The following DGKH variants were observed in gnomAD, a reference collection of about 807,000 sequenced individuals.
The protein encoded by DGKH is DAG kinase eta.
In DGKH, 90 loss-of-function variants were observed where a neutral mutation model predicts 159.3. The ratio of observed to expected loss-of-function variants is 0.57; its 90% CI spans 0.48 to 0.67. The LOEUF is 0.67. DGKH is among the 30% of genes least tolerant of loss of function. The pLI is 0.00. For synonymous variants in DGKH, 536 were observed against 553.8 expected, an observed-to-expected ratio of 0.97 and a Z score of 0.45; for missense variants, 1,181 against 1,506.1, an observed-to-expected ratio of 0.78 and a Z score of 3.57.
chr13:42,159,520 A>G (rs963790978), intron 6 of DGKH, 148 bp downstream of exon 6: 14 of 689,174 alleles, frequency 2.0e-5, no homozygotes, highest in Admixed American at 5.2e-5. Flanking sequence ...TTTTAATTCA[A>G]TCCTTCATAG....
intron 7 of DGKH, 108 bp from the exon 8 acceptor site, chr13:42,165,223 G>A: frequency 3.8e-6 from 2 of 524,744 alleles, no homozygotes; most frequent in Non-Finnish European, 6.7e-6. Flanking sequence ...ATGAATTACT[G>A]AACATTTTGT....
At chr13:42,138,002 T>C in intron 3 of DGKH, 3 of 765,998 alleles carry the variant, frequency 3.9e-6, no homozygotes, top group Non-Finnish European at 3.2e-6. Flanking sequence ...ACTTGAGTCA[T>C]CTGATAGAAC....
At chr13:42,112,953 C>T (rs1954892548) in intron 1 of DGKH, among the ~76,000 whole-genome samples, 1 of 152,180 alleles carries the variant, frequency 6.6e-6, no homozygotes, top group African/African-American at 2.4e-5. Flanking sequence ...GCTCTTATTC[C>T]CTCGTTGGAG....
At chr13:42,063,948 A>AT (rs554731471) in intron 1 of DGKH, among the ~76,000 whole-genome samples, 19,431 of 128,424 alleles carry the variant, frequency 0.15, 1,450 homozygotes, top group Non-Finnish European at 0.2. Context: ...TGAAAAAAAA[A>AT]ATATATATAT....
chr13:42,211,897 AG>A (rs1309778681), intron 24 of DGKH, among the ~76,000 whole-genome samples: 2 of 152,118 alleles, frequency 1.3e-5, no homozygotes, highest in Admixed American at 1.3e-4. Context: ...AGAACAGTAC[AG>A]GAAAAACTCA....
chr13:42,073,669 A>G (rs1883121489), intron 1 of DGKH, among the ~76,000 whole-genome samples: 1 of 152,204 alleles, frequency 6.6e-6, no homozygotes, highest in Non-Finnish European at 1.5e-5. Flanking sequence ...TCAGCTTATG[A>G]TATTTTTAGC....
chr13:42,148,029 G>A (rs2137917770), intron 3 of DGKH, among the ~76,000 whole-genome samples: 1 of 152,338 alleles, frequency 6.6e-6, no homozygotes, highest in South Asian at 2.1e-4. Context: ...GGGAGAAAAA[G>A]TGAGCAGCAC....
Position 42,231,351 on chromosome 13 carries a change from C to T in DGKH, c.*2163C>T, listed in dbSNP as rs1162958421. On this transcript the variant is annotated 3_prime_UTR_variant, in exon 30 of 30. Transcript: ENST00000337343. The stretch of plus-strand genomic sequence containing the variant: ...AGCCTGGGTGACAGAGCAAGACTCC[C>T]ATCTCAATCTCAAAAAAAAATAGTC... 1 of 151,912 alleles carries T rather than the reference C, an allele frequency of 6.6e-6. No individual in the cohort carries two copies. The highest frequency in any genetic ancestry group is 1.5e-5 in the Non-Finnish European group (1 of 68,018). The allele number at this position is 151,912 out of a possible 1,614,324, so 9.4% of individuals were successfully genotyped here. A position where few individuals can be genotyped will look rare whatever the true frequency, so the allele number is the denominator to read the frequency against.
At position 42,238,479 on chromosome 13, in the gene DGKH, A is replaced by G. The variant is rs971119851; in HGVS notation, c.*9291A>G. On this transcript the variant is annotated 3_prime_UTR_variant, in exon 30 of 30. Coordinates refer to ENST00000337343, the MANE Select transcript of DGKH (RefSeq NM_178009.5). ...AAATGACAATTTTATAGATGTGAAT[A>G]TATGTTTTTTAAAGTTAAGTCCTTC... 5.9e-5 allele frequency: 9 copies of G among 152,168 alleles called. No individual in the cohort carries two copies. Among genetic ancestry groups the G allele is most frequent in the Non-Finnish European group, 1.0e-4 (7 of 68,002 alleles). 9.4% of individuals were successfully genotyped at this position (152,168 alleles called of 1,614,324 possible).
intron 17 of DGKH, among the ~76,000 whole-genome samples, chr13:42,198,061 TTATC>T (rs1957246733): frequency 6.6e-6 from 1 of 152,220 alleles, no homozygotes; most frequent in African/African-American, 2.4e-5. Flanking sequence ...TTAAGTATCA[TTATC>T]TATGATTTGA....
intron 29 of DGKH, 142 bp downstream of exon 29, chr13:42,221,536 TGA>T: frequency 9.3e-7 from 1 of 1,070,652 alleles, no homozygotes; most frequent in Non-Finnish European, 1.3e-6. Context: ...TCCTGTGGTC[TGA>T]GTTTCTTGTA....
intron 13 of DGKH, among the ~76,000 whole-genome samples, chr13:42,182,738 G>A (rs982504826): frequency 6.6e-6 from 1 of 152,146 alleles, no homozygotes; most frequent in Non-Finnish European, 1.5e-5. Flanking sequence ...CTGTATGTGT[G>A]TGTGTGTGCT....
intron 20 of DGKH, among the ~76,000 whole-genome samples, chr13:42,204,552 G>A (rs1425666334): frequency 3.9e-5 from 6 of 152,180 alleles, no homozygotes; most frequent in African/African-American, 1.2e-4. Flanking sequence ...CTGAATTAGC[G>A]AACACAAGCT....
chr13:42,092,299 T>A (rs1279298580), intron 1 of DGKH, among the ~76,000 whole-genome samples: 1 of 152,210 alleles, frequency 6.6e-6, no homozygotes, highest in East Asian at 1.9e-4. Flanking sequence ...CCCATGTTTA[T>A]TGCCCACTGT....
chr13:42,105,935 A>G (rs1385006119), intron 1 of DGKH, among the ~76,000 whole-genome samples: 2 of 152,228 alleles, frequency 1.3e-5, no homozygotes, highest in Non-Finnish European at 2.9e-5. Context: ...GATCTGTGAA[A>G]ACAATGTATT....
chr13:42,219,303 C>G lies in DGKH; in HGVS notation c.3287C>G (p.Thr1096Arg). The change falls in exon 27 of 30, where the codon ACA becomes AGA. Residue 1096 changes from threonine to arginine, a missense_variant. Transcript: ENST00000337343. ...GTGGAGGTGGAATTACAGAAACTGA[C>G]AGAGATTCCTTGGCTTTATTATATC... is the stretch of plus-strand genomic sequence containing the variant. ...HSVEVELQKL[T>R]EIPWLYYILH... 6.2e-7 allele frequency: 1 copy of G among 1,613,914 alleles called. No individual in the cohort carries two copies. Among genetic ancestry groups the G allele is most frequent in the Non-Finnish European group, 8.5e-7 (1 of 1,179,898 alleles).
In DGKH at chr13:42,221,359, G is replaced by A. The variant is rs531020216; in HGVS notation, c.3538G>A (p.Ala1180Thr). 2.5e-6 allele frequency: 4 copies of A among 1,613,762 alleles called. No individual in the cohort carries two copies. The South Asian group carries it at 3.3e-5, about 13-fold the overall frequency. ...DIFIRHDIRG[A>T]ELLHLERRDL... Reference sequence around the variant, plus strand: ...CTTCATCCGTCATGACATCAGAGGGGCTGAACTTTTGCATCTGGAAAGGCG... The same window carrying A: ...CTTCATCCGTCATGACATCAGAGGGACTGAACTTTTGCATCTGGAAAGGCG... The change falls in exon 29 of 30, where the codon GCT becomes ACT. Residue 1180 changes from alanine (A) to threonine (T), a missense_variant. Coordinates refer to ENST00000337343, the MANE Select transcript of DGKH (RefSeq NM_178009.5).
intron 29 of DGKH, among the ~76,000 whole-genome samples, chr13:42,221,737 T>C (rs1164304378): frequency 6.6e-6 from 1 of 152,186 alleles, no homozygotes; most frequent in Non-Finnish European, 1.5e-5. Context: ...ATAATTTGGC[T>C]GAAAATGACT....
rs1954987361 is a variant in DGKH, at chr13:42,117,556, C to G, written c.193-9907C>G. Among the ~76,000 whole-genome samples, 3 of 152,068 alleles carry G rather than the reference C, an allele frequency of 2.0e-5. No homozygotes were observed. In the South Asian group the frequency reaches 6.2e-4, roughly 32 times the overall value. On this transcript the variant is annotated intron_variant, in intron 1 of 29. Transcript: ENST00000337343. The stretch of plus-strand genomic sequence containing the variant: ...TTAGAGGAAGGCAAGAATGTTTTTT[C>G]CTTTTCTTTTTTTTCTTCAAGAATT...
Sources: gnomAD v4.1 joint callset for allele counts (sites outside exome capture counted in the v4.1 genomes callset) on GRCh38, gnomAD v4.1.1 for gene constraint, MANE v1.5 for transcripts, NCBI Gene and HGNC (gene_info 2026-07-23, HGNC 2026-07-21) for gene names.